The following TLL1 variants were observed in gnomAD, a reference collection of about 807,000 sequenced individuals.
TLL1 encodes tolloid like 1, also known as tolloid-like protein 1.
Under a neutral mutation model 128.2 loss-of-function variants are expected in TLL1, and 49 were observed. The ratio of observed to expected loss-of-function variants is 0.38; its 90% CI spans 0.30 to 0.48. TLL1 has a LOEUF of 0.48. TLL1 is among the 20% of genes least tolerant of loss of function. TLL1 has a pLI of 0.96. For synonymous variants in TLL1, 454 were observed against 418.8 expected (o/e 1.08, Z -1.03); for missense variants, 1,123 against 1,242.0 (o/e 0.90, Z 1.44).
chr4:166,045,028 C>CT (rs200349389), intron 12 of TLL1, among the ~76,000 whole-genome samples: 2,287 of 152,212 alleles, frequency 0.015, 54 homozygotes, highest in African/African-American at 0.05. Flanking sequence ...ACCTCAGGCA[C>CT]TTAGAACCAT....
chr4:166,080,337 A>T (rs80141268), intron 18 of TLL1, among the ~76,000 whole-genome samples: 9,642 of 152,148 alleles, frequency 0.063, 525 homozygotes, highest in African/African-American at 0.14. Context: ...AACATATCAC[A>T]TTGGGGGTTC....
At chr4:165,955,086 G>GA (rs917522915) in intron 1 of TLL1, among the ~76,000 whole-genome samples, 11 of 152,154 alleles carry the variant, frequency 7.2e-5, no homozygotes, top group African/African-American at 2.6e-4. Context: ...AAAACCAGTT[G>GA]AACTCTGGTA....
chr4:166,075,257 GA>G (rs1740971790), intron 17 of TLL1, among the ~76,000 whole-genome samples: 1 of 152,182 alleles, frequency 6.6e-6, no homozygotes, highest in African/African-American at 2.4e-5. Context: ...CTGGTAGCCA[GA>G]AAAGCACCAA....
At chr4:165,989,589 A>G (rs1367253878) in intron 2 of TLL1, 98 bp downstream of exon 2, 2 of 850,694 alleles carry the variant, frequency 2.4e-6, no homozygotes, top group African/African-American at 1.7e-5. Context: ...TCTCCTGTTG[A>G]TCAACTCTGA....
chr4:165,873,957 G>A lies in TLL1; in HGVS notation c.53G>A (p.Gly18Glu). The A allele has an allele frequency of 6.2e-7, 1 of 1,614,118 alleles. No individual in the cohort carries two copies. Among genetic ancestry groups the A allele is most frequent in the Non-Finnish European group, 8.5e-7 (1 of 1,180,020 alleles). The change falls in exon 1 of 21, where the codon GGG (glycine) becomes GAG (glutamate). Residue 18 changes from glycine (G) to glutamate (E), a missense_variant. Coordinates refer to ENST00000061240, the MANE Select transcript of TLL1 (RefSeq NM_012464.5). Reference protein sequence around the residue: ...PRMLVWLVASGIVFYGELWVC... With the variant: ...PRMLVWLVASEIVFYGELWVC... ...ATGCTCGTGTGGCTGGTGGCCTCGG[G>A]GATTGTTTTCTACGGGGAGCTATGG...
At chr4:165,929,384 A>G (rs1039289347) in intron 1 of TLL1, among the ~76,000 whole-genome samples, 3 of 152,120 alleles carry the variant, frequency 2.0e-5, no homozygotes, top group Admixed American at 1.3e-4. Context: ...TGAAAATACA[A>G]AGAAAGTAGC....
rs535631345 is a variant in TLL1 at position 165,934,011 on chromosome 4, T to C, written c.170-55370T>C. 7.2e-5 allele frequency among the ~76,000 whole-genome samples: 11 copies of C among 152,204 alleles called. No individual in the cohort carries two copies. In the East Asian group the frequency reaches 2.1e-3, roughly 29 times the overall value. ...GGTGACGTTCATCCTCTCTTTCTTT[T>C]TTTTGAGATGGAGTTTTGCTCTTAT... On this transcript the variant is annotated intron_variant, in intron 1 of 20. Transcript: ENST00000061240.
chr4:165,979,048 GT>G (rs141509182), intron 1 of TLL1, among the ~76,000 whole-genome samples: 1 of 151,940 alleles, frequency 6.6e-6, no homozygotes, highest in Admixed American at 6.6e-5. Context: ...GTTGTTCTGT[GT>G]TTTTTTATAG....
intron 1 of TLL1, among the ~76,000 whole-genome samples, chr4:165,962,959 G>T (rs1735185822): frequency 6.8e-6 from 1 of 148,002 alleles, no homozygotes; most frequent in Admixed American, 7.0e-5. Context: ...GGAGACTGAG[G>T]CACAAGAAAC....
rs116790379 is a variant in TLL1 at position 166,070,779 on chromosome 4, G to T, written c.2189-4099G>T. 4.9e-3 allele frequency among the ~76,000 whole-genome samples: 752 copies of T among 151,942 alleles called. 6 individuals carry two copies. Among genetic ancestry groups the T allele is most frequent in the African/African-American group, 0.017 (717 of 41,500 alleles). On this transcript the variant is annotated intron_variant, in intron 16 of 20. Transcript: ENST00000061240. ...TTTCTTTCACTGTGTCTCGATATTTGTAAGTGTCCTTCTTGTCCACTGTTT... is the reference window on the plus strand; with the variant it reads ...TTTCTTTCACTGTGTCTCGATATTTTTAAGTGTCCTTCTTGTCCACTGTTT...
At chr4:165,926,078 G>A (rs1733254407) in intron 1 of TLL1, among the ~76,000 whole-genome samples, 1 of 152,116 alleles carries the variant, frequency 6.6e-6, no homozygotes, top group Middle Eastern at 3.2e-3. Flanking sequence ...TCACTTTATT[G>A]TGGTAGTCTG....
At chr4:165,968,790 T>G (rs1446091588) in intron 1 of TLL1, among the ~76,000 whole-genome samples, 1 of 150,644 alleles carries the variant, frequency 6.6e-6, no homozygotes, top group African/African-American at 2.5e-5. Flanking sequence ...AGTTCATCTT[T>G]TAAAAGTCAG....
intron 9 of TLL1, among the ~76,000 whole-genome samples, chr4:166,028,325 T>G (rs562766488): frequency 6.6e-6 from 1 of 152,080 alleles, no homozygotes; most frequent in African/African-American, 2.4e-5. Flanking sequence ...TTTTTCTTCT[T>G]TGCAAACATT....
At chr4:165,990,498 G>A (rs181959400) in intron 2 of TLL1, among the ~76,000 whole-genome samples, 20 of 151,696 alleles carry the variant, frequency 1.3e-4, no homozygotes, top group Admixed American at 2.0e-4. Flanking sequence ...TAAATATATC[G>A]AAATATTTCT....
chr4:166,014,922 T>C (rs918798882), intron 8 of TLL1, among the ~76,000 whole-genome samples: 14 of 152,044 alleles, frequency 9.2e-5, no homozygotes, highest in African/African-American at 3.4e-4. Flanking sequence ...TATCCTTTAT[T>C]TGAACTTCAG....
chr4:166,044,343 GGTTGTGTGTCTGTACCT>G, intron 12 of TLL1: 1 of 1,535,234 alleles, frequency 6.5e-7, no homozygotes, highest in Non-Finnish European at 8.7e-7. Flanking sequence ...CCGTGGTCAT[GGTTGTGTGTCTGTACCT>G]GCAGCAGGAG....
intron 18 of TLL1, among the ~76,000 whole-genome samples, chr4:166,086,864 C>T (rs1560862292): frequency 1.3e-5 from 2 of 152,110 alleles, no homozygotes; most frequent in Non-Finnish European, 2.9e-5. Flanking sequence ...CCAAGACACA[C>T]AAAAAACACA....
At chr4:166,008,182 T>C (rs1560807461) in intron 7 of TLL1, 134 bp downstream of exon 7, 2 of 610,750 alleles carry the variant, frequency 3.3e-6, no homozygotes, top group Non-Finnish European at 5.8e-6. Context: ...AGAAAAATAA[T>C]TCATGAACAT....
chr4:165,991,926 TA>T (rs1736655095), intron 2 of TLL1, among the ~76,000 whole-genome samples: 2 of 151,874 alleles, frequency 1.3e-5, no homozygotes, highest in Non-Finnish European at 2.9e-5. Flanking sequence ...ATTTGTCTAA[TA>T]AAAATTCAAG....
Sources: allele counts gnomAD v4.1 joint callset (sites outside exome capture counted in the v4.1 genomes callset), GRCh38; gene constraint gnomAD v4.1.1; transcripts MANE v1.5; gene names NCBI Gene and HGNC (gene_info 2026-07-23, HGNC 2026-07-21).